Variants in KLHL1 observed in about 807,000 individuals in gnomAD.
The protein encoded by KLHL1 is kelch-like protein 1.
Under a neutral mutation model 77.7 loss-of-function variants are expected in KLHL1, and 47 were observed. The observed-to-expected ratio is 0.60, with a 90% CI of 0.48 to 0.77. The LOEUF (loss-of-function observed/expected upper bound fraction) is 0.77. Among genes scored for constraint, KLHL1 ranks in the 30% least tolerant of loss-of-function variants. The pLI is 0.00. For missense variants in KLHL1, 925 were observed against 910.8 expected, an observed-to-expected ratio of 1.02 and a Z score of -0.20; for synonymous variants, 360 against 325.2, an observed-to-expected ratio of 1.11 and a Z score of -1.15.
At chr13:69,820,531 G>A (rs542741477) in intron 6 of KLHL1, among the ~76,000 whole-genome samples, 1 of 152,272 alleles carries the variant, frequency 6.6e-6, no homozygotes, top group African/African-American at 2.4e-5. Context: ...TTGAAAAAGG[G>A]AATTGGCCAA....
chr13:69,728,133 T>G (rs766549345), intron 8 of KLHL1, among the ~76,000 whole-genome samples: 31 of 152,060 alleles, frequency 2.0e-4, no homozygotes, highest in Non-Finnish European at 4.0e-4. Flanking sequence ...CAATTTCTTT[T>G]TTTTCTTTCT....
intron 7 of KLHL1, among the ~76,000 whole-genome samples, chr13:69,756,342 T>G (rs1874736236): frequency 6.6e-6 from 1 of 152,162 alleles, no homozygotes; most frequent in East Asian, 1.9e-4. Context: ...TTCTATATAT[T>G]TTAATATTAG....
At chr13:70,039,467 G>T (rs933537742) in intron 1 of KLHL1, among the ~76,000 whole-genome samples, 1 of 151,460 alleles carries the variant, frequency 6.6e-6, no homozygotes, top group East Asian at 1.9e-4. Context: ...ATAATTTTTT[G>T]GCCAATATAT....
chr13:69,818,130 A>T (rs1172075892), intron 6 of KLHL1, among the ~76,000 whole-genome samples: 1 of 152,028 alleles, frequency 6.6e-6, no homozygotes, highest in Non-Finnish European at 1.5e-5. Context: ...TCTTGGATTA[A>T]GAACATGGCT....
At chr13:69,793,751 T>A (rs907444555) in intron 7 of KLHL1, among the ~76,000 whole-genome samples, 1 of 152,132 alleles carries the variant, frequency 6.6e-6, no homozygotes, top group African/African-American at 2.4e-5. Flanking sequence ...ACTGTTGGTT[T>A]CACACTTAAA....
chr13:69,990,910 A>C (rs1308197819), intron 1 of KLHL1, among the ~76,000 whole-genome samples: 1 of 152,068 alleles, frequency 6.6e-6, no homozygotes, highest in South Asian at 2.1e-4. Context: ...TGGACATAAA[A>C]CAACCCTGAA....
At position 69,719,493 on chromosome 13, in the gene KLHL1, C is replaced by A. The variant is rs530644820; in HGVS notation, c.1891G>T (p.Ala631Ser). ...CCCCCTCTCCTCTTACACATGGGAG[C>A]ACACATGTTCCACTTATTTGTATGA... ...DPHTNKWNMC[A>S]PMCKRRGGVG... The change falls in exon 9 of 11, where the codon GCT (alanine) becomes TCT (serine). Residue 631 changes from alanine to serine, a missense_variant. Coordinates refer to ENST00000377844, the MANE Select transcript of KLHL1 (RefSeq NM_020866.3). 1.2e-6 allele frequency: 2 copies of A among 1,613,388 alleles called. No individual in the cohort carries two copies. The highest frequency in any genetic ancestry group is 1.7e-5 in the Admixed American group (1 of 59,890).
At chr13:70,009,171 A>AGTCTTAT (rs1885473268) in intron 1 of KLHL1, among the ~76,000 whole-genome samples, 1 of 152,150 alleles carries the variant, frequency 6.6e-6, no homozygotes, top group African/African-American at 2.4e-5. Flanking sequence ...TCTATTAATA[A>AGTCTTAT]GTCTTATGGA....
chr13:69,994,812 A>T (rs556542645), intron 1 of KLHL1, among the ~76,000 whole-genome samples: 142 of 152,168 alleles, frequency 9.3e-4, no homozygotes, highest in African/African-American at 3.2e-3. Flanking sequence ...TAGAGGAAAA[A>T]TTTTTTTAAA....
At chr13:69,945,318 T>C (rs1365598667) in intron 3 of KLHL1, among the ~76,000 whole-genome samples, 1 of 152,048 alleles carries the variant, frequency 6.6e-6, no homozygotes, top group East Asian at 1.9e-4. Context: ...AAAATTTATT[T>C]GATAAAATAT....
At chr13:69,880,305 A>G (rs940067323) in intron 5 of KLHL1, among the ~76,000 whole-genome samples, 2 of 152,176 alleles carry the variant, frequency 1.3e-5, no homozygotes, top group African/African-American at 4.8e-5. Context: ...TTAGTTGTAG[A>G]AGTGATAGCC....
At chr13:69,976,067 C>A (rs2225526) in intron 1 of KLHL1, among the ~76,000 whole-genome samples, 92,671 of 151,408 alleles carry the variant, frequency 0.61, 28,479 homozygotes, top group Middle Eastern at 0.65. Flanking sequence ...TGATTAGGAC[C>A]TTAAGTTAGT....
chr13:70,007,640 T>C (rs1300586492), intron 1 of KLHL1, among the ~76,000 whole-genome samples: 1 of 152,066 alleles, frequency 6.6e-6, no homozygotes, highest in Non-Finnish European at 1.5e-5. Context: ...TGTCTTTACC[T>C]GTAAGGTATC....
intron 1 of KLHL1, among the ~76,000 whole-genome samples, chr13:70,074,923 T>C (rs776431011): frequency 1.2e-4 from 19 of 152,014 alleles, no homozygotes; most frequent in Non-Finnish European, 2.4e-4. Flanking sequence ...AAAATCAATA[T>C]ATGCTCCAGC....
intron 5 of KLHL1, among the ~76,000 whole-genome samples, chr13:69,854,403 T>C (rs1363686215): frequency 6.6e-6 from 1 of 151,822 alleles, no homozygotes; most frequent in Non-Finnish European, 1.5e-5. Flanking sequence ...CAGGAAAGCA[T>C]AGAGTGAAAA....
chr13:69,920,561 T>C (rs887583874), intron 4 of KLHL1, among the ~76,000 whole-genome samples: 1 of 152,108 alleles, frequency 6.6e-6, no homozygotes, highest in Non-Finnish European at 1.5e-5. Context: ...AGGAGCAATA[T>C]AACAATGTAT....
chr13:69,946,388 A>C (rs1883525852), intron 3 of KLHL1, among the ~76,000 whole-genome samples: 1 of 152,228 alleles, frequency 6.6e-6, no homozygotes, highest in Non-Finnish European at 1.5e-5. Context: ...AAATATATTT[A>C]ATAAATGATT....
chr13:70,085,213 C>T (rs764323945), intron 1 of KLHL1, among the ~76,000 whole-genome samples: 1 of 152,016 alleles, frequency 6.6e-6, no homozygotes, highest in African/African-American at 2.4e-5. Flanking sequence ...AAGAGAGAAA[C>T]AGAAAGAGAC....
At position 70,081,755 on chromosome 13, in the gene KLHL1, C is replaced by T. The variant is rs12431003; in HGVS notation, c.497+25448G>A. On this transcript the variant is annotated intron_variant, in intron 1 of 10. Coordinates refer to ENST00000377844, the MANE Select transcript of KLHL1 (RefSeq NM_020866.3). The stretch of plus-strand genomic sequence containing the variant: ...CCTGGATCGTGGCCTAGTGAAACTT[C>T]GAAGCAGAAGACCTAGGTAAGCTAC... Among the ~76,000 whole-genome samples, 374 of 152,272 alleles carry T rather than the reference C, an allele frequency of 2.5e-3. 1 individual carries two copies. The highest frequency in any genetic ancestry group is 8.7e-3 in the African/African-American group (360 of 41,540).
Sources: gnomAD v4.1 joint callset for allele counts (sites outside exome capture counted in the v4.1 genomes callset) on GRCh38, gnomAD v4.1.1 for gene constraint, MANE v1.5 for transcripts, NCBI Gene and HGNC (gene_info 2026-07-23, HGNC 2026-07-21) for gene names.